SRP72: variants seen among roughly 807,000 people sequenced by gnomAD.
SRP72 encodes signal recognition particle 72, also known as signal recognition particle subunit SRP72.
SRP72 carries 49 observed loss-of-function variants against 96.3 expected under a neutral mutation model. The observed-to-expected ratio is 0.51, with a 90% CI of 0.40 to 0.65. The LOEUF is 0.65. Among genes scored for constraint, SRP72 ranks in the 30% least tolerant of loss-of-function variants. The pLI is 0.00. For missense variants in SRP72, 736 were observed against 793.3 expected (o/e 0.93, Z 0.87); for synonymous variants, 267 against 275.2 (o/e 0.97, Z 0.30).
intron 16 of SRP72, among the ~76,000 whole-genome samples, chr4:56,494,028 A>G (rs1720995062): frequency 6.6e-6 from 1 of 152,202 alleles, no homozygotes; most frequent in African/African-American, 2.4e-5. Context: ...CATGGAGAAG[A>G]TGATTGTGTT....
intron 8 of SRP72, among the ~76,000 whole-genome samples, chr4:56,479,519 C>CT (rs750135655): frequency 0.016 from 2,201 of 138,006 alleles, 55 homozygotes; most frequent in African/African-American, 0.046. Flanking sequence ...TTCTTTCTTT[C>CT]TTTTTTTTTT....
intron 5 of SRP72, 105 bp from the exon 6 acceptor site, chr4:56,476,566 A>G: frequency 8.4e-7 from 1 of 1,189,366 alleles, no homozygotes; most frequent in Non-Finnish European, 1.2e-6. Context: ...TACTACGATT[A>G]TCTTGGAATC....
chr4:56,490,283 T>A (rs1363808335), intron 13 of SRP72, 50 bp from the exon 14 acceptor site: 2 of 1,440,530 alleles, frequency 1.4e-6, no homozygotes, highest in African/African-American at 2.8e-5. Context: ...TGCATGCACT[T>A]GCTAGATATT....
At chr4:56,497,696 G>A (rs2110132382) in intron 17 of SRP72, among the ~76,000 whole-genome samples, 1 of 151,740 alleles carries the variant, frequency 6.6e-6, no homozygotes, top group South Asian at 2.1e-4. Context: ...AGAATATTCT[G>A]TTCTTAACTT....
At chr4:56,480,872 C>T (rs1294409748) in intron 8 of SRP72, among the ~76,000 whole-genome samples, 1 of 152,018 alleles carries the variant, frequency 6.6e-6, no homozygotes, top group African/African-American at 2.4e-5. Flanking sequence ...TTTGAGCTGA[C>T]CCTTGAAGGA....
At chr4:56,487,533 A>G (rs1382954663) in intron 11 of SRP72, among the ~76,000 whole-genome samples, 2 of 152,182 alleles carry the variant, frequency 1.3e-5, no homozygotes, top group Non-Finnish European at 2.9e-5. Flanking sequence ...TGCAGTGAAT[A>G]CAAAATCAGA....
At chr4:56,469,518 C>T (rs1719878177) in intron 1 of SRP72, 135 bp from the exon 2 acceptor site, 5 of 737,744 alleles carry the variant, frequency 6.8e-6, no homozygotes, top group East Asian at 5.6e-5. Context: ...CTGTTTCTTC[C>T]AGTTGTTCTG....
chr4:56,484,657 G>A, intron 9 of SRP72, 79 bp from the exon 10 acceptor site: 1 of 1,574,182 alleles, frequency 6.4e-7, no homozygotes, highest in Non-Finnish European at 8.7e-7. Flanking sequence ...ATTTTCCCAT[G>A]TTTCTTTTCT....
At chr4:56,472,348 C>CTTTT (rs11332013) in intron 3 of SRP72, among the ~76,000 whole-genome samples, 1 of 123,046 alleles carries the variant, frequency 8.1e-6, no homozygotes, top group Non-Finnish European at 1.7e-5. Flanking sequence ...TAAAGTTTTT[C>CTTTT]TTTTTTTTTT....
chr4:56,501,606 T>G lies in SRP72; in HGVS notation c.1839-78T>G, dbSNP rs1376263521. On this transcript the variant is annotated intron_variant, in intron 18 of 18. Coordinates refer to ENST00000642900, the MANE Select transcript of SRP72 (RefSeq NM_006947.4). The stretch of plus-strand genomic sequence containing the variant: ...GTGGGAGATTGTTAAGTGTGATAAG[T>G]AAAACCCATGTACATACATTTTTAT... 3.8e-6 allele frequency: 5 copies of G among 1,299,414 alleles called. No homozygotes were observed. The African/African-American group carries it at 7.5e-5, about 19-fold the overall frequency. The allele number at this position is 1,299,414 out of a possible 1,614,324, so 80.5% of individuals were successfully genotyped here. A position where few individuals can be genotyped will look rare whatever the true frequency, so the allele number is the denominator to read the frequency against.
chr4:56,483,183 T>A lies in SRP72; in HGVS notation c.870T>A (p.Asn290Lys), dbSNP rs1720568348. ...CCAAGAAGAAAGTGAAATTAACCAA[T>A]GCGGAAGGAGTAGAGTTTAAGCTTT... is the stretch of plus-strand genomic sequence containing the variant. Reference protein sequence around the residue: ...FDSKKKVKLTNAEGVEFKLSK... With the variant: ...FDSKKKVKLTKAEGVEFKLSK... The change falls in exon 9 of 19, where the codon AAT becomes AAA. Residue 290 changes from asparagine to lysine, a missense_variant. Physicochemically the swap from Asn to Lys is moderately conservative, Grantham distance 94 (BLOSUM62 0). Transcript: ENST00000642900. 1 of 1,611,790 alleles carries A rather than the reference T, an allele frequency of 6.2e-7. No homozygotes were observed. Among genetic ancestry groups the A allele is most frequent in the Non-Finnish European group, 8.5e-7 (1 of 1,179,770 alleles).
chr4:56,479,637 G>T (rs1428801268), intron 8 of SRP72, among the ~76,000 whole-genome samples: 1 of 149,310 alleles, frequency 6.7e-6, no homozygotes, highest in African/African-American at 2.5e-5. Context: ...ACACCACCAT[G>T]CCCGGCTAAT....
At chr4:56,490,926 G>A (rs1176744031) in intron 15 of SRP72, among the ~76,000 whole-genome samples, 2 of 152,280 alleles carry the variant, frequency 1.3e-5, no homozygotes, top group Non-Finnish European at 2.9e-5. Flanking sequence ...TAAAGAAAAA[G>A]CATATTTTAT....
At chr4:56,470,502 T>C (rs1300980271) in intron 2 of SRP72, among the ~76,000 whole-genome samples, 1 of 150,684 alleles carries the variant, frequency 6.6e-6, no homozygotes, top group African/African-American at 2.4e-5. Context: ...ATCGTGCCAT[T>C]GCACTCCAGC....
At chr4:56,471,670 C>T in intron 2 of SRP72, 50 bp from the exon 3 acceptor site, 12 of 1,596,646 alleles carry the variant, frequency 7.5e-6, no homozygotes, top group Non-Finnish European at 1.0e-5. Context: ...ATAATGGGTG[C>T]ATTGCATTGT....
Position 56,483,357 on chromosome 4 carries a change from A to G in SRP72, c.957+87A>G, listed in dbSNP as rs891197835. 1.1e-5 allele frequency: 15 copies of G among 1,352,348 alleles called. No homozygotes were observed. The African/African-American group carries it at 1.2e-4, about 11-fold the overall frequency. 83.8% of individuals were successfully genotyped at this position (1,352,348 alleles called of 1,614,324 possible). A position where few individuals can be genotyped will look rare whatever the true frequency, so the allele number is the denominator to read the frequency against. On this transcript the variant is annotated intron_variant, in intron 9 of 18. Transcript: ENST00000642900. ...AGGGATATTAGTCTAATCTTTTTAT[A>G]GTTTTTGTTTGTATTTTGTCTTCAA...
At position 56,483,192 on chromosome 4, in the gene SRP72, A is replaced by C. The variant is rs142904964; in HGVS notation, c.879A>C (p.Gly293=). 3.7e-6 allele frequency: 6 copies of C among 1,611,962 alleles called. No homozygotes were observed. In the African/African-American group the frequency reaches 6.7e-5, roughly 18 times the overall value. Residue 293 remains glycine, a synonymous_variant, in exon 9 of 19, where the codon GGA becomes GGC. Transcript: ENST00000642900. ...AAGTGAAATTAACCAATGCGGAAGG[A>C]GTAGAGTTTAAGCTTTCCAAGAAAC... ...KKKVKLTNAE[G]VEFKLSKKQL... is the part of the protein sequence containing the mutation.
In SRP72 at chr4:56,474,138, A is replaced by G. The variant is rs776614100; in HGVS notation, c.439A>G (p.Arg147Gly). Residue 147 changes from arginine to glycine, a missense_variant, in exon 4 of 19, where the codon AGG (arginine) becomes GGG (glycine). Around this residue, in one of 3 missense-constraint regions of SRP72, gnomAD observed 329 missense variants for 319.0 expected, o/e 1.03. Transcript: ENST00000642900. Reference sequence around the variant, plus strand: ...CTCCCAAGATGATTATGATGAGGAGAGGAAAACAAACCTTTCAGCAGTTGT... The same window carrying G: ...CTCCCAAGATGATTATGATGAGGAGGGGAAAACAAACCTTTCAGCAGTTGT... Reference protein sequence around the residue: ...RNSQDDYDEERKTNLSAVVAA... With the variant: ...RNSQDDYDEEGKTNLSAVVAA... 6.2e-7 allele frequency: 1 copy of G among 1,614,234 alleles called. No homozygotes were observed. The highest frequency in any genetic ancestry group is 1.1e-5 in the South Asian group (1 of 91,088).
At chr4:56,490,536 C>T (rs758683495) in intron 14 of SRP72, 32 bp from the exon 15 acceptor site, 3 of 1,605,650 alleles carry the variant, frequency 1.9e-6, no homozygotes, top group South Asian at 2.2e-5. Flanking sequence ...GTTTTATAAA[C>T]AGTTCAATAA....
Sources: allele counts gnomAD v4.1 joint callset (sites outside exome capture counted in the v4.1 genomes callset), GRCh38; gene constraint gnomAD v4.1.1; regional missense constraint gnomAD v4.1.1; transcripts MANE v1.5; gene names NCBI Gene and HGNC (gene_info 2026-07-23, HGNC 2026-07-21).